The following RCAN3 variants were observed in gnomAD, a reference collection of about 807,000 sequenced individuals.
The protein encoded by RCAN3 is regulator of calcineurin 3.
In RCAN3, 19 loss-of-function variants were observed where a neutral mutation model predicts 21.9. The ratio of observed to expected loss-of-function variants is 0.87; its 90% confidence interval spans 0.61 to 1.27. The LOEUF (loss-of-function observed/expected upper bound fraction) is 1.27. Ranked by LOEUF, RCAN3 falls within the 50% of genes most tolerant of loss-of-function variation. The probability of loss-of-function intolerance (pLI) is 0.00; values close to 1 mark genes in which losing one functional copy is unlikely to be tolerated. For missense variants in RCAN3, 240 were observed against 300.1 expected, an observed-to-expected ratio of 0.80 and a Z score of 1.48; for synonymous variants, 114 against 112.3, an observed-to-expected ratio of 1.01 and a Z score of -0.09.
At chr1:24,502,495 A>C (rs1480748660), upstream of RCAN3, 2 of 152,380 alleles carry the variant, frequency 1.3e-5, no homozygotes, top group East Asian at 3.9e-4. Context: ...CGCAGTGTAC[A>C]TAGTAACCAG....
At chr1:24,511,739 A>G (rs74060383) in intron 1 of RCAN3, among the ~76,000 whole-genome samples, 7,139 of 152,340 alleles carry the variant, frequency 0.047, 588 homozygotes, top group African/African-American at 0.16. Context: ...TGAAAGCGGT[A>G]CTGATAGACT....
chr1:24,514,272 G>T (rs1242528110), intron 1 of RCAN3, 42 bp from the exon 2 acceptor site: 12 of 981,772 alleles, frequency 1.2e-5, no homozygotes, highest in South Asian at 2.2e-5. Context: ...ACATTATTTG[G>T]TCTTCGGAGT....
intron 1 of RCAN3, among the ~76,000 whole-genome samples, chr1:24,509,022 ATGG>A (rs1024278124): frequency 1.3e-5 from 2 of 151,942 alleles, no homozygotes; most frequent in African/African-American, 4.8e-5. Context: ...TTAACCGGAC[ATGG>A]TGGTGTGTGC....
chr1:24,509,394 C>T (rs934791503), intron 1 of RCAN3, among the ~76,000 whole-genome samples: 1 of 152,220 alleles, frequency 6.6e-6, no homozygotes. Context: ...AGCCAATCCT[C>T]TAAACCCTGC....
In RCAN3 at chr1:24,530,218, G is replaced by A. The variant is rs1649638057; in HGVS notation, c.196-1000G>A. ...AAAATACAAAAAATTAGCTGGATGT[G>A]GTGGCAGGTGCCTATAGTCCCAGCT... On this transcript the variant is annotated intron_variant, in intron 2 of 4. Coordinates refer to ENST00000374395, the MANE Select transcript of RCAN3 (RefSeq NM_013441.4). 2.6e-5 allele frequency among the ~76,000 whole-genome samples: 4 copies of A among 151,630 alleles called. No individual in the cohort carries two copies. The South Asian group carries it at 8.4e-4, about 32-fold the overall frequency.
In RCAN3 at chr1:24,536,086, G is replaced by C. The variant is rs1434347868; in HGVS notation, c.*809G>C. 6.6e-6 allele frequency: 1 copy of C among 152,160 alleles called. No individual in the cohort carries two copies. 9.4% of individuals were successfully genotyped at this position (152,160 alleles called of 1,614,324 possible). On this transcript the variant is annotated 3_prime_UTR_variant, in exon 5 of 5. Transcript: ENST00000374395. ...ACTGCATTCTGCCGTTCGTGACCGT[G>C]TTCTAGCCTGTAGACCACCCAGCTA...
Position 24,533,167 on chromosome 1 carries a change from T to C in RCAN3, c.454T>C (p.Ser152Pro), listed in dbSNP as rs748206064. The change falls in exon 4 of 5, where the codon TCT becomes CCT. Residue 152 changes from serine to proline, a missense_variant. Transcript: ENST00000374395. ...VKQFLISPPASPPVGWKQSED... is the reference protein window; with the variant it reads ...VKQFLISPPAPPPVGWKQSED... Reference sequence around the variant, plus strand: ...GCAGTTCCTCATCTCCCCTCCAGCCTCTCCCCCGGTGGGGTGGAAGCAGAG... The same window carrying C: ...GCAGTTCCTCATCTCCCCTCCAGCCCCTCCCCCGGTGGGGTGGAAGCAGAG... 1.7e-5 allele frequency: 27 copies of C among 1,606,128 alleles called. 1 individual carries two copies. In the South Asian group the frequency reaches 3.0e-4, roughly 18 times the overall value.
At chr1:24,518,090 C>T (rs933945600) in intron 2 of RCAN3, among the ~76,000 whole-genome samples, 2 of 152,066 alleles carry the variant, frequency 1.3e-5, no homozygotes, top group Non-Finnish European at 2.9e-5. Flanking sequence ...TTTGGGAGGC[C>T]GAGGCAGGTG....
intron 2 of RCAN3, among the ~76,000 whole-genome samples, chr1:24,526,568 G>C (rs12095352): frequency 1.3e-5 from 2 of 152,162 alleles, no homozygotes. Context: ...TCTGTCATAC[G>C]ATGCGTTGGT....
intron 2 of RCAN3, among the ~76,000 whole-genome samples, chr1:24,517,084 G>GTTTTTTTTTTTTTTTTTT (rs11372088): frequency 4.8e-5 from 7 of 146,864 alleles, no homozygotes; most frequent in African/African-American, 1.3e-4. Flanking sequence ...CTATTTTTTT[G>GTTTTTTTTTTTTTTTTTT]TTTTTTTTTG....
rs1202555821 is a variant in RCAN3 at position 24,508,121 on chromosome 1, AAAAG to A, written c.-60+4979_-60+4982del. Among the ~76,000 whole-genome samples, 9 of 152,258 alleles carry A rather than the reference AAAAG, an allele frequency of 5.9e-5. No individual in the cohort carries two copies. The East Asian group carries it at 1.5e-3, about 26-fold the overall frequency. Reference sequence around the variant, plus strand: ...AAGAGTGAAACTCCGTCTCAAAAAAAAAAGAAAGAAAAAGTGAAAAATACAAGAC... The same window carrying A: ...AAGAGTGAAACTCCGTCTCAAAAAAAAAAGAAAAAGTGAAAAATACAAGAC... On this transcript the variant is annotated intron_variant, in intron 1 of 4. Coordinates refer to ENST00000374395, the MANE Select transcript of RCAN3 (RefSeq NM_013441.4).
chr1:24,523,174 C>T (rs1648957152), intron 2 of RCAN3, among the ~76,000 whole-genome samples: 1 of 152,020 alleles, frequency 6.6e-6, no homozygotes. Flanking sequence ...AAGAGTTCTC[C>T]TACCTCAGCC....
intron 1 of RCAN3, among the ~76,000 whole-genome samples, chr1:24,511,262 A>G (rs1397225547): frequency 2.6e-5 from 4 of 152,154 alleles, no homozygotes; most frequent in African/African-American, 4.8e-5. Flanking sequence ...GCAGTGAGCC[A>G]AGATAGCACC....
chr1:24,530,356 C>CA (rs56914359), intron 2 of RCAN3, among the ~76,000 whole-genome samples: 2,654 of 80,236 alleles, frequency 0.033, 53 homozygotes, highest in Non-Finnish European at 0.046. Context: ...CTCTTATCTC[C>CA]AAAAAAAAAA....
In RCAN3 at chr1:24,531,318, C is replaced by T. The variant is rs766240145; in HGVS notation, c.296C>T (p.Ala99Val). ...AGAATAAATTTCAGCAAACCTGAAG[C>T]GGCAGCAAGAGCGCGAATAGAACTC... ...RVRINFSKPE[A>V]AARARIELHE... The change falls in exon 3 of 5, where the codon GCG (alanine) becomes GTG (valine). Residue 99 changes from alanine (A) to valine (V), a missense_variant. Transcript: ENST00000374395. 1.2e-5 allele frequency: 19 copies of T among 1,613,602 alleles called. No individual in the cohort carries two copies. Among genetic ancestry groups the T allele is most frequent in the Middle Eastern group, 1.6e-4 (1 of 6,080 alleles).
In RCAN3 at chr1:24,535,114, C is replaced by T. The variant is rs1367182769; in HGVS notation, c.563C>T (p.Ala188Val). 6 of 1,595,702 alleles carry T rather than the reference C, an allele frequency of 3.8e-6. No homozygotes were observed. Among genetic ancestry groups the T allele is most frequent in the Non-Finnish European group, 5.1e-6 (6 of 1,173,732 alleles). The change falls in exon 5 of 5, where the codon GCG becomes GTG. Residue 188 changes from alanine (A) to valine (V), a missense_variant. Physicochemically the swap from Ala to Val is moderately conservative, Grantham distance 64. Transcript: ENST00000374395. ...GCAGGAGAGAAATATGAACTTCACG[C>T]GGGAACAGAGTCGACACCCAGCGTG... ...LGPGEKYELH[A>V]GTESTPSVVV...
intron 1 of RCAN3, among the ~76,000 whole-genome samples, chr1:24,506,416 T>C (rs548424358): frequency 6.6e-5 from 10 of 152,328 alleles, no homozygotes; most frequent in Non-Finnish European, 1.3e-4. Context: ...AAATTATGTA[T>C]TAGATAATAG....
chr1:24,511,291 C>T lies in RCAN3; in HGVS notation c.-59-3023C>T, dbSNP rs111311091. Among the ~76,000 whole-genome samples the T allele has an allele frequency of 4.8e-3, 725 of 152,076 alleles. 7 individuals carry two copies. Among genetic ancestry groups the T allele is most frequent in the African/African-American group, 0.015 (639 of 41,494 alleles). On this transcript the variant is annotated intron_variant, in intron 1 of 4. Coordinates refer to ENST00000374395, the MANE Select transcript of RCAN3 (RefSeq NM_013441.4). The stretch of plus-strand genomic sequence containing the variant: ...TAGCACCACTGCACTCCAGCCTGGG[C>T]GACAAAGCAAGACTCCGTCTCAGAA...
intron 2 of RCAN3, among the ~76,000 whole-genome samples, chr1:24,527,049 T>C (rs1242546723): frequency 1.3e-5 from 2 of 152,256 alleles, no homozygotes; most frequent in East Asian, 3.8e-4. Flanking sequence ...ATTACTTTTT[T>C]TTGAGACAGT....
Sources: allele counts gnomAD v4.1 joint callset (sites outside exome capture counted in the v4.1 genomes callset), GRCh38; gene constraint gnomAD v4.1.1; transcripts MANE v1.5; gene names NCBI Gene and HGNC (gene_info 2026-07-23, HGNC 2026-07-21).